MCC: variants seen among roughly 807,000 people sequenced by gnomAD.
MCC encodes colorectal mutant cancer protein.
MCC carries 90 observed loss-of-function variants against 116.2 expected under a neutral mutation model. The ratio of observed to expected loss-of-function variants is 0.77; its 90% CI spans 0.65 to 0.92. The LOEUF is 0.92. Ranked by LOEUF, MCC falls within the 40% of genes least tolerant of loss-of-function variation. The pLI is 0.00. For missense variants in MCC, 1,516 were observed against 1,312.2 expected (o/e 1.16, Z -2.40); for synonymous variants, 578 against 510.5 (o/e 1.13, Z -1.78).
At chr5:113,293,233 T>C (rs1326225256) in intron 3 of MCC, among the ~76,000 whole-genome samples, 1 of 150,672 alleles carries the variant, frequency 6.6e-6, no homozygotes, top group African/African-American at 2.5e-5. Flanking sequence ...CACCAGGTGT[T>C]CCCTCACACA....
chr5:113,038,994 A>G (rs765992307), intron 17 of MCC, among the ~76,000 whole-genome samples: 1 of 152,068 alleles, frequency 6.6e-6, no homozygotes, highest in African/African-American at 2.4e-5. Flanking sequence ...CGGTGACTAA[A>G]TGACCGCAGC....
chr5:113,061,865 A>G (rs1006261084), intron 14 of MCC, among the ~76,000 whole-genome samples: 3 of 152,236 alleles, frequency 2.0e-5, no homozygotes, highest in Non-Finnish European at 4.4e-5. Context: ...TTATTTTCAT[A>G]AACTTGACAA....
intron 2 of MCC, among the ~76,000 whole-genome samples, chr5:113,347,384 G>GT (rs141871825): frequency 0.038 from 5,804 of 151,820 alleles, 365 homozygotes; most frequent in African/African-American, 0.13. Flanking sequence ...TTCTTTTCGT[G>GT]TTTTTTTGTT....
In MCC at chr5:113,434,198, C is replaced by T. The variant is rs1770770351; in HGVS notation, c.171-48986G>A. On this transcript the variant is annotated intron_variant, in intron 1 of 18. Transcript: ENST00000408903. The surrounding 1 kb of genome is among the most constrained non-coding windows in gnomAD (Gnocchi z 4.2). ...TCTTGATGTTGGAGTCGTCGTAGGG[C>T]ATGGAGCCGCAGACCATGATGTAGA... 2 of 1,614,010 alleles carry T rather than the reference C, an allele frequency of 1.2e-6. No individual in the cohort carries two copies. Among genetic ancestry groups the T allele is most frequent in the Admixed American group, 1.7e-5 (1 of 60,008 alleles).
In MCC at chr5:113,235,240, T is replaced by C. The variant is rs186809193; in HGVS notation, c.628-83818A>G. ...ATCCTTTTTCACTTCATATTCTGGG[T>C]TCTTCAAAAGTCTGACTTCAATGCA... On this transcript the variant is annotated intron_variant, in intron 3 of 18. Transcript: ENST00000408903. Among the ~76,000 whole-genome samples, 222 of 152,320 alleles carry C rather than the reference T, an allele frequency of 1.5e-3. 3 individuals carry two copies. The South Asian group carries it at 0.03, about 21-fold the overall frequency.
At position 113,125,932 on chromosome 5, in the gene MCC, A is replaced by G. The variant is rs1758024378; in HGVS notation, c.885-3106T>C. Among the ~76,000 whole-genome samples the G allele has an allele frequency of 2.0e-5, 3 of 152,208 alleles. No individual in the cohort carries two copies. The South Asian group carries it at 6.2e-4, about 32-fold the overall frequency. On this transcript the variant is annotated intron_variant, in intron 5 of 18. Coordinates refer to ENST00000408903, the MANE Select transcript of MCC (RefSeq NM_001085377.2). ...CTATTGCTGGTGATGAAGAAGAGGAAAATGTAAAAACATGGAAAAAAAGTG... is the reference window on the plus strand; with the variant it reads ...CTATTGCTGGTGATGAAGAAGAGGAGAATGTAAAAACATGGAAAAAAAGTG...
At chr5:113,309,330 C>A (rs1301298412) in intron 3 of MCC, among the ~76,000 whole-genome samples, 1 of 152,036 alleles carries the variant, frequency 6.6e-6, no homozygotes, top group Non-Finnish European at 1.5e-5. Flanking sequence ...AATTTTTTAC[C>A]CCGTGTTCTT....
intron 6 of MCC, among the ~76,000 whole-genome samples, chr5:113,116,984 C>A (rs1757433059): frequency 6.6e-6 from 1 of 152,228 alleles, no homozygotes. Flanking sequence ...TGGCCTGTTA[C>A]ATGAACTAGT....
intron 1 of MCC, among the ~76,000 whole-genome samples, chr5:113,405,010 C>T (rs1044618260): frequency 6.6e-6 from 1 of 152,206 alleles, no homozygotes; most frequent in Non-Finnish European, 1.5e-5. Context: ...GCCTACTCTG[C>T]CACTAACCTT....
intron 3 of MCC, among the ~76,000 whole-genome samples, chr5:113,172,483 CT>C (rs1210177617): frequency 1.3e-5 from 2 of 151,458 alleles, no homozygotes; most frequent in Non-Finnish European, 3.0e-5. Context: ...TGCACATCCT[CT>C]TCTTTTAAGT....
chr5:113,297,927 T>A (rs1766755423), intron 3 of MCC, among the ~76,000 whole-genome samples: 1 of 152,134 alleles, frequency 6.6e-6, no homozygotes, highest in Non-Finnish European at 1.5e-5. Context: ...TTCCAGAGAA[T>A]AAATAGCTTT....
intron 1 of MCC, among the ~76,000 whole-genome samples, chr5:113,385,721 T>C (rs1769238333): frequency 6.6e-6 from 1 of 152,224 alleles, no homozygotes; most frequent in South Asian, 2.1e-4. Flanking sequence ...TCATTTAATC[T>C]TGACTTTCGT....
At chr5:113,266,544 TTTTTC>T (rs1765424329) in intron 3 of MCC, among the ~76,000 whole-genome samples, 2 of 152,130 alleles carry the variant, frequency 1.3e-5, no homozygotes, top group Non-Finnish European at 2.9e-5. Context: ...TCCCTTACTT[TTTTTC>T]TTTTGAGATG....
rs1755275215 is a variant in MCC at position 113,087,421 on chromosome 5, T to A, written c.1399-2111A>T. ...TAAAGAATAGGAAAATATATCCCTG[T>A]AGAAGCCAAATGGTACTGCTGATGA... On this transcript the variant is annotated intron_variant, in intron 8 of 18. Transcript: ENST00000408903. Among the ~76,000 whole-genome samples, 6 of 152,280 alleles carry A rather than the reference T, an allele frequency of 3.9e-5. No homozygotes were observed. The South Asian group carries it at 1.0e-3, about 26-fold the overall frequency.
intron 8 of MCC, among the ~76,000 whole-genome samples, chr5:113,095,447 G>A (rs1755945800): frequency 6.6e-6 from 1 of 152,180 alleles, no homozygotes; most frequent in Non-Finnish European, 1.5e-5. Context: ...TAAACAAAAT[G>A]TGCATAAATC....
chr5:113,403,530 A>G (rs1769750350), intron 1 of MCC, among the ~76,000 whole-genome samples: 1 of 152,192 alleles, frequency 6.6e-6, no homozygotes, highest in East Asian at 1.9e-4. Flanking sequence ...AAATCATATC[A>G]CAGATTATAA....
chr5:113,140,980 T>C (rs1411709441), intron 5 of MCC, among the ~76,000 whole-genome samples: 1 of 152,150 alleles, frequency 6.6e-6, no homozygotes, highest in African/African-American at 2.4e-5. Context: ...TCTAGATGTG[T>C]GTGTGAGGGC....
At chr5:113,343,988 A>G (rs1210106556) in intron 2 of MCC, among the ~76,000 whole-genome samples, 1 of 152,202 alleles carries the variant, frequency 6.6e-6, no homozygotes, top group Non-Finnish European at 1.5e-5. Flanking sequence ...AAGCAATCAC[A>G]GTACCTGGTT....
intron 1 of MCC, among the ~76,000 whole-genome samples, chr5:113,484,881 T>C (rs1041787786): frequency 2.6e-5 from 4 of 152,154 alleles, no homozygotes; most frequent in African/African-American, 7.2e-5. Context: ...TCCAGTACCA[T>C]AAAATATGTG....
Sources: allele counts gnomAD v4.1 joint callset (sites outside exome capture counted in the v4.1 genomes callset), GRCh38; gene constraint gnomAD v4.1.1; non-coding constraint Gnocchi (gnomAD v3.1); transcripts MANE v1.5; gene names NCBI Gene and HGNC (gene_info 2026-07-23, HGNC 2026-07-21).